Variants in TANC1 observed in about 807,000 individuals in gnomAD.
TANC1 encodes tetratricopeptide repeat, ankyrin repeat and coiled-coil containing 1, also known as protein TANC1.
TANC1 carries 77 observed loss-of-function variants against 149.7 expected under a neutral mutation model. That is an observed-to-expected ratio of 0.51 (90% confidence interval 0.43 to 0.62). The LOEUF (loss-of-function observed/expected upper bound fraction) is 0.62. TANC1 is among the 20% of genes least tolerant of loss of function. The probability of loss-of-function intolerance (pLI) is 0.00; values close to 1 mark genes in which losing one functional copy is unlikely to be tolerated. For synonymous variants in TANC1, 854 were observed against 925.0 expected (o/e 0.92, Z 1.39); for missense variants, 1,985 against 2,321.8 (o/e 0.85, Z 2.98).
chr2:159,171,476 T>C (rs950505952), intron 10 of TANC1, among the ~76,000 whole-genome samples: 3 of 151,806 alleles, frequency 2.0e-5, no homozygotes, highest in Non-Finnish European at 4.4e-5. Context: ...TACAAAAAAT[T>C]CACCAGTCAT....
intron 2 of TANC1, among the ~76,000 whole-genome samples, chr2:159,007,106 A>G (rs987447645): frequency 2.7e-5 from 4 of 146,010 alleles, no homozygotes; most frequent in Admixed American, 6.8e-5. Context: ...GAGCTGCCCT[A>G]TACAGGTGTA....
At chr2:159,197,887 T>A (rs1474228335) in intron 18 of TANC1, among the ~76,000 whole-genome samples, 2 of 152,166 alleles carry the variant, frequency 1.3e-5, no homozygotes, top group East Asian at 3.8e-4. Context: ...TTATCACAAA[T>A]AGATGCAACC....
chr2:159,038,231 T>A (rs571930834), intron 2 of TANC1, among the ~76,000 whole-genome samples: 6 of 152,236 alleles, frequency 3.9e-5, no homozygotes, highest in Non-Finnish European at 8.8e-5. Context: ...TGAAGTTGCT[T>A]ATCAGCTTAA....
chr2:159,228,943 G>A (rs1324824842), intron 26 of TANC1, 47 bp downstream of exon 26: 1 of 1,457,118 alleles, frequency 6.9e-7, no homozygotes, highest in East Asian at 2.3e-5. Context: ...TTTCTTGTGG[G>A]ATCAAACCTG....
In TANC1 at chr2:158,990,396, C is replaced by A. The variant is rs558670369; in HGVS notation, c.-125-10684C>A. On this transcript the variant is annotated intron_variant, in intron 1 of 26. Coordinates refer to ENST00000263635, the MANE Select transcript of TANC1 (RefSeq NM_033394.3). Reference sequence around the variant, plus strand: ...CAGTTTGATGAATAAGATGTGGTTTCTATCCTGGAGGAACTTAAAATCTAA... The same window carrying A: ...CAGTTTGATGAATAAGATGTGGTTTATATCCTGGAGGAACTTAAAATCTAA... 1.3e-4 allele frequency among the ~76,000 whole-genome samples: 20 copies of A among 152,308 alleles called. 1 individual carries two copies. Among genetic ancestry groups the A allele is most frequent in the South Asian group, 1.0e-3 (5 of 4,816 alleles).
At chr2:159,227,635 T>C (rs2060094954) in intron 24 of TANC1, 184 bp from the exon 25 acceptor site, 6 of 623,908 alleles carry the variant, frequency 9.6e-6, no homozygotes, top group East Asian at 2.8e-5. Flanking sequence ...GTGAGGACAG[T>C]GAAGCCCTCA....
chr2:159,014,297 G>A (rs1224362003), intron 2 of TANC1, among the ~76,000 whole-genome samples: 1 of 152,136 alleles, frequency 6.6e-6, no homozygotes, highest in Non-Finnish European at 1.5e-5. Context: ...AGAGAATGAG[G>A]AAGACACAAA....
chr2:159,228,011 C>A (rs756700337), intron 25 of TANC1, 46 bp downstream of exon 25: 10 of 1,592,976 alleles, frequency 6.3e-6, no homozygotes, highest in Non-Finnish European at 8.6e-6. Context: ...AGCAACAGAG[C>A]CCTTCTCCAG....
intron 1 of TANC1, among the ~76,000 whole-genome samples, chr2:158,985,555 G>T (rs2034899377): frequency 6.6e-6 from 1 of 152,192 alleles, no homozygotes; most frequent in Non-Finnish European, 1.5e-5. Flanking sequence ...GTTAACCTCA[G>T]ATTATTACTT....
At chr2:159,197,712 G>A (rs2057966870) in intron 18 of TANC1, among the ~76,000 whole-genome samples, 1 of 152,072 alleles carries the variant, frequency 6.6e-6, no homozygotes, top group Non-Finnish European at 1.5e-5. Context: ...GGAGGACCAT[G>A]AATGCCTAGG....
chr2:159,045,435 T>C (rs1308633933), intron 2 of TANC1, among the ~76,000 whole-genome samples: 1 of 152,072 alleles, frequency 6.6e-6, no homozygotes. Context: ...GTCTCATAAA[T>C]AAATAAAATT....
At position 159,229,744 on chromosome 2, in the gene TANC1, G is replaced by A. The variant is rs200295160; in HGVS notation, c.4318G>A (p.Glu1440Lys). The change falls in exon 27 of 27, where the codon GAG (glutamate) becomes AAG (lysine). Residue 1440 changes from glutamate to lysine, a missense_variant. By Grantham distance (56) the Glu-to-Lys change is moderately conservative. Transcript: ENST00000263635. ...GPLPAPLNDS[E>K]NEEDTPTPGL... The stretch of plus-strand genomic sequence containing the variant: ...GCTACCAGCTCCACTCAACGACTCC[G>A]AGAACGAAGAGGACACCCCAACCCC... The A allele has an allele frequency of 4.1e-5, 66 of 1,613,872 alleles. No homozygotes were observed. Among genetic ancestry groups the A allele is most frequent in the Non-Finnish European group, 5.0e-5 (59 of 1,179,996 alleles).
intron 19 of TANC1, among the ~76,000 whole-genome samples, chr2:159,200,759 A>C (rs2058188313): frequency 6.6e-6 from 1 of 152,140 alleles, no homozygotes; most frequent in South Asian, 2.1e-4. Flanking sequence ...CTAATTGGGT[A>C]TTGGCTGGGG....
intron 3 of TANC1, among the ~76,000 whole-genome samples, chr2:159,086,476 G>T (rs1047341179): frequency 1.3e-5 from 2 of 152,132 alleles, no homozygotes; most frequent in Non-Finnish European, 1.5e-5. Flanking sequence ...GTGGCAGGCA[G>T]ACTGAGCAAC....
chr2:159,009,579 A>G (rs1242383654), intron 2 of TANC1, among the ~76,000 whole-genome samples: 1 of 152,200 alleles, frequency 6.6e-6, no homozygotes, highest in Non-Finnish European at 1.5e-5. Flanking sequence ...AATAGTGGTT[A>G]CTAGAGGCTG....
At chr2:159,223,500 A>G (rs13392346) in intron 22 of TANC1, among the ~76,000 whole-genome samples, 13,200 of 152,164 alleles carry the variant, frequency 0.087, 1,208 homozygotes, top group East Asian at 0.23. Flanking sequence ...ATTTTGAATA[A>G]TGGGGTGGAT....
intron 11 of TANC1, among the ~76,000 whole-genome samples, chr2:159,173,613 AAAAT>A (rs541374271): frequency 2.0e-5 from 3 of 152,340 alleles, no homozygotes; most frequent in Admixed American, 6.5e-5. Context: ...TCAAAAAAAT[AAAAT>A]AAATAAATAA....
intron 3 of TANC1, among the ~76,000 whole-genome samples, chr2:159,072,414 A>T (rs1280537013): frequency 6.6e-6 from 1 of 152,254 alleles, no homozygotes. Flanking sequence ...TAGAGGACAC[A>T]GACTCACATC....
At chr2:159,070,888 C>T (rs1487251208) in intron 3 of TANC1, among the ~76,000 whole-genome samples, 3 of 152,118 alleles carry the variant, frequency 2.0e-5, no homozygotes, top group African/African-American at 4.8e-5. Context: ...TACCACATAG[C>T]GAGTAAATGG....
Sources: gnomAD v4.1 joint callset for allele counts (sites outside exome capture counted in the v4.1 genomes callset) on GRCh38, gnomAD v4.1.1 for gene constraint, MANE v1.5 for transcripts, NCBI Gene and HGNC (gene_info 2026-07-23, HGNC 2026-07-21) for gene names.